Variants in CACHD1 observed in about 807,000 individuals in gnomAD.
CACHD1 encodes the protein cache domain containing 1.
A neutral mutation model predicts 138.7 loss-of-function variants in CACHD1; 71 were observed. The ratio of observed to expected loss-of-function variants is 0.51; its 90% confidence interval spans 0.42 to 0.62. The LOEUF is 0.62. Among genes scored for constraint, CACHD1 ranks in the 20% least tolerant of loss-of-function variants. The pLI, the probability that CACHD1 is intolerant of heterozygous loss-of-function variation, is 0.00. For synonymous variants in CACHD1, 578 were observed against 591.5 expected (o/e 0.98, Z 0.33); for missense variants, 1,389 against 1,625.3 (o/e 0.85, Z 2.50).
In CACHD1 at chr1:64,634,269, G is replaced by A. The variant is rs201598024; in HGVS notation, c.1006+9G>A. On this transcript the variant is annotated intron_variant, in intron 7 of 26. Coordinates refer to ENST00000651257, the MANE Select transcript of CACHD1 (RefSeq NM_020925.4). ...CACAAAGTTCCAAGCAAGTGAGTGCGTTCTCTCAGAGGACTTAGAGGCATA... is the reference window on the plus strand; with the variant it reads ...CACAAAGTTCCAAGCAAGTGAGTGCATTCTCTCAGAGGACTTAGAGGCATA... 8.4e-5 allele frequency: 135 copies of A among 1,610,728 alleles called. No homozygotes were observed. The highest frequency in any genetic ancestry group is 1.1e-4 in the South Asian group (10 of 90,970).
chr1:64,681,152 A>G, intron 24 of CACHD1, 106 bp from the exon 25 acceptor site: 1 of 749,536 alleles, frequency 1.3e-6, no homozygotes, highest in Non-Finnish European at 2.3e-6. Flanking sequence ...TTCATTCTTG[A>G]TGGAATGCTG....
At chr1:64,688,286 C>T (rs921391001) in intron 26 of CACHD1, among the ~76,000 whole-genome samples, 8 of 152,102 alleles carry the variant, frequency 5.3e-5, no homozygotes, top group African/African-American at 1.7e-4. Flanking sequence ...ACATGTATAG[C>T]ATAAGGTGGT....
chr1:64,506,315 G>A (rs143375735), intron 1 of CACHD1: 36 of 152,324 alleles, frequency 2.4e-4, no homozygotes, highest in African/African-American at 7.7e-4. Context: ...ACAGGTGATA[G>A]AACCATCATT....
chr1:64,549,148 A>G (rs1334745557), intron 1 of CACHD1, among the ~76,000 whole-genome samples: 4 of 152,218 alleles, frequency 2.6e-5, no homozygotes, highest in African/African-American at 9.6e-5. Flanking sequence ...CACTTGGTAA[A>G]TATGCTTCAG....
chr1:64,674,142 A>T (rs1649907384), intron 19 of CACHD1, among the ~76,000 whole-genome samples: 1 of 152,174 alleles, frequency 6.6e-6, no homozygotes, highest in Admixed American at 6.5e-5. Flanking sequence ...TAATTTTTAA[A>T]ATGTACTGGG....
At chr1:64,674,400 T>C (rs1000198861) in intron 19 of CACHD1, among the ~76,000 whole-genome samples, 1 of 152,194 alleles carries the variant, frequency 6.6e-6, no homozygotes, top group African/African-American at 2.4e-5. Context: ...TATCTTCTAT[T>C]ATTTATGCAA....
At chr1:64,580,660 C>A (rs530206198) in intron 2 of CACHD1, among the ~76,000 whole-genome samples, 1 of 152,106 alleles carries the variant, frequency 6.6e-6, no homozygotes, top group Non-Finnish European at 1.5e-5. Context: ...AGCAATCAAT[C>A]GAGGTTTCAA....
intron 21 of CACHD1, among the ~76,000 whole-genome samples, chr1:64,676,490 A>G (rs1649995152): frequency 6.6e-6 from 1 of 152,102 alleles, no homozygotes; most frequent in Non-Finnish European, 1.5e-5. Context: ...GTTTGTTGAG[A>G]CATGGTCTCA....
intron 7 of CACHD1, among the ~76,000 whole-genome samples, chr1:64,639,666 G>C (rs931737079): frequency 2.0e-5 from 3 of 152,098 alleles, no homozygotes; most frequent in African/African-American, 4.8e-5. Context: ...GCCTAATAAA[G>C]AATACTTAAA....
At chr1:64,658,657 A>G (rs1649341208) in intron 12 of CACHD1, 48 bp from the exon 13 acceptor site, 11 of 1,479,156 alleles carry the variant, frequency 7.4e-6, no homozygotes, top group Non-Finnish European at 1.0e-5. Context: ...CCCTGTCCCC[A>G]TGGAACCCTC....
In CACHD1 at chr1:64,678,812, G is replaced by A. The variant is rs140588350; in HGVS notation, c.3244+502G>A. 9.2e-5 allele frequency among the ~76,000 whole-genome samples: 14 copies of A among 152,266 alleles called. No individual in the cohort carries two copies. The South Asian group carries it at 2.3e-3, about 25-fold the overall frequency. Reference sequence around the variant, plus strand: ...GGATGAAGCACAAGGACACCACAGGGTGGACAGCCCCTGGGATCAGTCTCC... The same window carrying A: ...GGATGAAGCACAAGGACACCACAGGATGGACAGCCCCTGGGATCAGTCTCC... On this transcript the variant is annotated intron_variant, in intron 23 of 26. Transcript: ENST00000651257.
intron 26 of CACHD1, among the ~76,000 whole-genome samples, chr1:64,690,570 G>A (rs140502836): frequency 6.6e-6 from 1 of 152,198 alleles, no homozygotes; most frequent in Non-Finnish European, 1.5e-5. Flanking sequence ...GGGGTGGGGG[G>A]CAGCTAACAC....
intron 17 of CACHD1, among the ~76,000 whole-genome samples, chr1:64,672,820 G>A (rs1336456846): frequency 3.3e-5 from 5 of 152,004 alleles, no homozygotes; most frequent in Non-Finnish European, 7.4e-5. Context: ...TGCTTGCCTG[G>A]AAAAAAAGAA....
intron 1 of CACHD1, among the ~76,000 whole-genome samples, chr1:64,476,825 A>G (rs1307088148): frequency 4.6e-5 from 7 of 152,182 alleles, no homozygotes; most frequent in Non-Finnish European, 1.0e-4. Flanking sequence ...ATGGTTTTAC[A>G]CTTAGTAACA....
intron 15 of CACHD1, among the ~76,000 whole-genome samples, chr1:64,665,368 G>T (rs1649595378): frequency 6.6e-6 from 1 of 151,984 alleles, no homozygotes; most frequent in African/African-American, 2.4e-5. Context: ...GCTGAGGTGG[G>T]AGAATTGCTT....
intron 20 of CACHD1, 54 bp from the exon 21 acceptor site, chr1:64,675,843 A>G (rs1290007480): frequency 5.9e-6 from 7 of 1,177,404 alleles, no homozygotes; most frequent in African/African-American, 1.5e-5. Flanking sequence ...GCACATGTAC[A>G]ACTTACAGTT....
At chr1:64,570,133 C>T (rs536228111) in intron 2 of CACHD1, among the ~76,000 whole-genome samples, 11 of 152,072 alleles carry the variant, frequency 7.2e-5, no homozygotes, top group Admixed American at 1.3e-4. Context: ...TAAAACCTGG[C>T]GAGCAACTCA....
intron 2 of CACHD1, among the ~76,000 whole-genome samples, chr1:64,578,485 T>C (rs1646986834): frequency 6.6e-6 from 1 of 152,240 alleles, no homozygotes; most frequent in East Asian, 1.9e-4. Flanking sequence ...TCCAGTTTTC[T>C]GTTGTTGCAT....
At chr1:64,581,115 G>T (rs1440480096) in intron 2 of CACHD1, among the ~76,000 whole-genome samples, 1 of 152,098 alleles carries the variant, frequency 6.6e-6, no homozygotes, top group African/African-American at 2.4e-5. Context: ...TTCTAGCAAG[G>T]CTGAGAACCT....
Sources: allele counts gnomAD v4.1 joint callset (sites outside exome capture counted in the v4.1 genomes callset), GRCh38; gene constraint gnomAD v4.1.1; transcripts MANE v1.5; gene names NCBI Gene and HGNC (gene_info 2026-07-23, HGNC 2026-07-21).